PAK5: variants seen among roughly 807,000 people sequenced by gnomAD.
PAK5 encodes p21 (RAC1) activated kinase 5, also known as serine/threonine-protein kinase PAK 5.
PAK5 carries 16 observed loss-of-function variants against 65.9 expected under a neutral mutation model. The observed-to-expected ratio is 0.24, with a 90% CI of 0.16 to 0.37. PAK5 has a LOEUF of 0.37. Among genes scored for constraint, PAK5 ranks in the 10% least tolerant of loss-of-function variants. The pLI is 1.00. For synonymous variants in PAK5, 371 were observed against 354.9 expected (o/e 1.05, Z -0.51); for missense variants, 785 against 903.9 (o/e 0.87, Z 1.69).
chr20:9,649,714 G>A (rs893097614), intron 2 of PAK5, among the ~76,000 whole-genome samples: 2 of 152,100 alleles, frequency 1.3e-5, no homozygotes, highest in Non-Finnish European at 2.9e-5. Context: ...GGTACTATTC[G>A]AGTCATGCTG....
rs61729218 is a variant in PAK5, at chr20:9,566,376, G to A, written c.999C>T (p.Tyr333=). The A allele has an allele frequency of 4.3e-4, 687 of 1,612,518 alleles. 3 individuals carry two copies. The African/African-American group carries it at 5.5e-3, about 13-fold the overall frequency. The change falls in exon 5 of 10, where the codon TAC becomes TAT. Residue 333 remains tyrosine (Y), a synonymous_variant. Transcript: ENST00000353224. Reference sequence around the variant, plus strand: ...GGCTGAGGACCATCTGTGCTCGATCGTAATCCACCTGGGAAGACAGACATG... The same window carrying A: ...GGCTGAGGACCATCTGTGCTCGATCATAATCCACCTGGGAAGACAGACATG... ...EPTMCIPKVD[Y]DRAQMVLSPP...
rs562293853 is a variant in PAK5, at chr20:9,543,389, CTTTCCTGTTAGGAAAG to C, written c.1870-685_1870-670del. On this transcript the variant is annotated intron_variant, in intron 8 of 9. Coordinates refer to ENST00000353224, the MANE Select transcript of PAK5 (RefSeq NM_177990.4). Reference sequence around the variant, plus strand: ...TGCTATAAACTCCCAGTCCCACTCACTTTCCTGTTAGGAAAGTTTCCTGTTAGGGCCTCATTATACC... The same window carrying C: ...TGCTATAAACTCCCAGTCCCACTCACTTTCCTGTTAGGGCCTCATTATACC... 5.9e-5 allele frequency among the ~76,000 whole-genome samples: 9 copies of C among 152,242 alleles called. No homozygotes were observed. The South Asian group carries it at 1.7e-3, about 28-fold the overall frequency.
intron 9 of PAK5, 98 bp downstream of exon 9, chr20:9,542,488 T>C: frequency 1.7e-6 from 2 of 1,183,602 alleles, no homozygotes; most frequent in Non-Finnish European, 2.5e-6. Flanking sequence ...TAAACCAGGA[T>C]CTTCCTGCTG....
intron 2 of PAK5, among the ~76,000 whole-genome samples, chr20:9,707,378 G>A (rs1461986054): frequency 6.6e-6 from 1 of 152,154 alleles, no homozygotes; most frequent in Non-Finnish European, 1.5e-5. Flanking sequence ...TTAAAGTGCT[G>A]GGATTATAGG....
intron 2 of PAK5, among the ~76,000 whole-genome samples, chr20:9,650,276 C>A (rs1219492392): frequency 6.6e-6 from 1 of 152,096 alleles, no homozygotes; most frequent in Non-Finnish European, 1.5e-5. Context: ...TTTGCTGGTT[C>A]TTCTGAATTG....
intron 2 of PAK5, among the ~76,000 whole-genome samples, chr20:9,660,587 C>T (rs924353257): frequency 2.6e-5 from 4 of 151,864 alleles, no homozygotes; most frequent in South Asian, 2.1e-4. Context: ...AAGGGAATGG[C>T]GAATGCTGTG....
At chr20:9,581,481 T>A (rs2123022815) in intron 3 of PAK5, among the ~76,000 whole-genome samples, 1 of 152,322 alleles carries the variant, frequency 6.6e-6, no homozygotes, top group Non-Finnish European at 1.5e-5. Context: ...TATGAAATTT[T>A]ATGGATGAGG....
chr20:9,631,234 A>G (rs1317784785), intron 3 of PAK5, among the ~76,000 whole-genome samples: 1 of 151,966 alleles, frequency 6.6e-6, no homozygotes, highest in East Asian at 1.9e-4. Flanking sequence ...CCTCTCCATG[A>G]GTGTAGGCAG....
In PAK5 at chr20:9,799,939, CAAAAAAAAAAA is replaced by C. The variant is rs71331383; in HGVS notation, c.-162+38812_-162+38822del. Among the ~76,000 whole-genome samples the C allele has an allele frequency of 9.3e-3, 408 of 43,668 alleles. 2 individuals are homozygous for C. Among genetic ancestry groups the C allele is most frequent in the Middle Eastern group, 0.031 (1 of 32 alleles). 28.6% of individuals were successfully genotyped at this position (43,668 alleles called of 152,430 possible). ...CTGTAATAGAGTGAGACTCTGTCTC[CAAAAAAAAAAA>C]AAAAAAAAAAAAAAAATGAAAGAAA... On this transcript the variant is annotated intron_variant, in intron 1 of 9. Coordinates refer to ENST00000353224, the MANE Select transcript of PAK5 (RefSeq NM_177990.4).
chr20:9,614,548 C>T lies in PAK5; in HGVS notation c.204+29577G>A, dbSNP rs142954522. Among the ~76,000 whole-genome samples, 327 of 152,150 alleles carry T rather than the reference C, an allele frequency of 2.1e-3. 4 individuals are homozygous for T. The highest frequency in any genetic ancestry group is 7.6e-3 in the African/African-American group (317 of 41,502). On this transcript the variant is annotated intron_variant, in intron 3 of 9. Transcript: ENST00000353224. Reference sequence around the variant, plus strand: ...CATTGTTTTCAAACTACAGAAAAATCAGATAAGGAAAAAAATCCCAAAAGA... The same window carrying T: ...CATTGTTTTCAAACTACAGAAAAATTAGATAAGGAAAAAAATCCCAAAAGA...
intron 9 of PAK5, among the ~76,000 whole-genome samples, chr20:9,541,241 G>A (rs551592841): frequency 6.6e-6 from 1 of 152,170 alleles, no homozygotes; most frequent in Non-Finnish European, 1.5e-5. Flanking sequence ...ATTGTCATAA[G>A]ATAGGAAGAG....
At position 9,717,757 on chromosome 20, in the gene PAK5, T is replaced by C. The variant is rs182977651; in HGVS notation, c.-161-6322A>G. On this transcript the variant is annotated intron_variant, in intron 1 of 9. Transcript: ENST00000353224. ...ACCTCAGCCTCCCGAGTGGCTGGGA[T>C]TACAGGTGCCCGCCACCATGACTGG... 1.1e-3 allele frequency among the ~76,000 whole-genome samples: 163 copies of C among 152,244 alleles called. 1 individual carries two copies. The highest frequency in any genetic ancestry group is 3.4e-3 in the African/African-American group (143 of 41,570).
intron 3 of PAK5, among the ~76,000 whole-genome samples, chr20:9,637,911 T>C (rs1212474675): frequency 6.6e-6 from 1 of 152,360 alleles, no homozygotes; most frequent in East Asian, 1.9e-4. Context: ...CATTTTCAAA[T>C]GATTTCTAGG....
intron 1 of PAK5, among the ~76,000 whole-genome samples, chr20:9,742,748 C>T (rs1026643860): frequency 6.6e-6 from 1 of 152,172 alleles, no homozygotes; most frequent in Non-Finnish European, 1.5e-5. Flanking sequence ...CCACCAATAT[C>T]TGGGTACAGT....
At chr20:9,802,881 T>C (rs1600391275) in intron 1 of PAK5, among the ~76,000 whole-genome samples, 1 of 144,944 alleles carries the variant, frequency 6.9e-6, no homozygotes, top group East Asian at 2.0e-4. Flanking sequence ...TTTCATTTTA[T>C]TCCCTTCTGT....
chr20:9,822,715 A>T lies in PAK5; in HGVS notation c.-162+16047T>A, dbSNP rs6056906. 1.0e-3 allele frequency among the ~76,000 whole-genome samples: 154 copies of T among 152,360 alleles called. 1 individual carries two copies. Among genetic ancestry groups the T allele is most frequent in the African/African-American group, 3.5e-3 (145 of 41,582 alleles). ...AGGTATAGATGTAGCAAGCCTTATT[A>T]GTATCCACCCATATGCCTACTGACT... On this transcript the variant is annotated intron_variant, in intron 1 of 9. Transcript: ENST00000353224.
Position 9,537,606 on chromosome 20 carries a change from G to T in PAK5, c.*1856C>A. 4.7e-6 allele frequency: 1 copy of T among 213,480 alleles called. No individual in the cohort carries two copies. Among genetic ancestry groups the T allele is most frequent in the Non-Finnish European group, 9.5e-6 (1 of 105,574 alleles). The allele number at this position is 213,480 out of a possible 1,614,324, so 13.2% of individuals were successfully genotyped here. A position where few individuals can be genotyped will look rare whatever the true frequency, so the allele number is the denominator to read the frequency against. ...TGCAATAGTTTTTAATGTTTATTCT[G>T]GTTTAAAAAAGATTTTCTTTTTCTT... On this transcript the variant is annotated 3_prime_UTR_variant, in exon 10 of 10. Transcript: ENST00000353224.
At chr20:9,760,607 T>A (rs2048687615) in intron 1 of PAK5, among the ~76,000 whole-genome samples, 1 of 151,604 alleles carries the variant, frequency 6.6e-6, no homozygotes, top group Non-Finnish European at 1.5e-5. Flanking sequence ...TATTTGAGTT[T>A]AGCTTCTTTT....
intron 1 of PAK5, among the ~76,000 whole-genome samples, chr20:9,724,922 G>T (rs1352658237): frequency 6.6e-6 from 1 of 152,054 alleles, no homozygotes. Context: ...GAAACACAAA[G>T]GATAAATGCT....
Sources: allele counts gnomAD v4.1 joint callset (sites outside exome capture counted in the v4.1 genomes callset), GRCh38; gene constraint gnomAD v4.1.1; transcripts MANE v1.5; gene names NCBI Gene and HGNC (gene_info 2026-07-23, HGNC 2026-07-21).